WDR27: variants seen among roughly 807,000 people sequenced by gnomAD.
WDR27 encodes WD repeat domain 27.
WDR27 carries 100 observed loss-of-function variants against 114.4 expected under a neutral mutation model. The observed-to-expected ratio is 0.87, with a 90% CI of 0.74 to 1.03. WDR27 has a LOEUF of 1.03. Among genes scored for constraint, WDR27 ranks in the 50% least tolerant of loss-of-function variants. WDR27 has a pLI of 0.00. For synonymous variants in WDR27, 449 were observed against 423.1 expected, an observed-to-expected ratio of 1.06 and a Z score of -0.75; for missense variants, 1,129 against 1,092.9, an observed-to-expected ratio of 1.03 and a Z score of -0.47.
chr6:169,464,436 T>G (rs1425361509), intron 25 of WDR27, among the ~76,000 whole-genome samples: 1 of 152,050 alleles, frequency 6.6e-6, no homozygotes, highest in African/African-American at 2.4e-5. Context: ...AATTTTAGAA[T>G]AAAATATAGA....
chr6:169,453,629 G>T (rs1473495493), downstream of WDR27, among the ~76,000 whole-genome samples: 2 of 152,118 alleles, frequency 1.3e-5, no homozygotes, highest in African/African-American at 2.4e-5. Context: ...AGTCAAGCTT[G>T]TTTCATTTAT....
intron 22 of WDR27, among the ~76,000 whole-genome samples, chr6:169,609,322 G>A (rs1809985456): frequency 6.6e-6 from 1 of 152,178 alleles, no homozygotes; most frequent in South Asian, 2.1e-4. Context: ...CCTTTGCACT[G>A]CCCTAGCAGA....
At chr6:169,437,427 AT>A in the WDR27 span, among the ~76,000 whole-genome samples, 1 of 152,080 alleles carries the variant, frequency 6.6e-6, no homozygotes, top group Non-Finnish European at 1.5e-5. Context: ...GTTTTTTTAC[AT>A]TTTCAACCAT....
In WDR27 at chr6:169,661,504, C is replaced by G. The variant is rs547117162; in HGVS notation, c.1026-738G>C. 5.3e-5 allele frequency among the ~76,000 whole-genome samples: 8 copies of G among 152,352 alleles called. No individual in the cohort carries two copies. In the South Asian group the frequency reaches 1.4e-3, roughly 28 times the overall value. ...CTCTCCAGCTCCGCCCCAGGCAGCA[C>G]CCTGGGCTCCTCCTGGGCATCCACC... On this transcript the variant is annotated intron_variant, in intron 9 of 25. Coordinates refer to ENST00000448612, the MANE Select transcript of WDR27 (RefSeq NM_182552.5).
At chr6:169,445,896 TGGGTG>T in the WDR27 span, among the ~76,000 whole-genome samples, 2 of 152,104 alleles carry the variant, frequency 1.3e-5, no homozygotes, top group African/African-American at 4.8e-5. Flanking sequence ...CAGGCTGGGC[TGGGTG>T]GGGTGGGGGG....
intron 23 of WDR27, 104 bp from the exon 24 acceptor site, chr6:169,583,038 A>G (rs1803778504): frequency 1.1e-6 from 1 of 907,106 alleles, no homozygotes; most frequent in Non-Finnish European, 1.7e-6. Context: ...GTAGTTGATC[A>G]GATACAACAG....
chr6:169,644,866 G>A lies in WDR27; in HGVS notation c.1658-1080C>T, dbSNP rs1301412315. Among the ~76,000 whole-genome samples, 13 of 103,660 alleles carry A rather than the reference G, an allele frequency of 1.3e-4. 4 individuals are homozygous for A. The East Asian group carries it at 3.3e-3, about 27-fold the overall frequency. The allele number at this position is 103,660 out of a possible 152,430, so 68.0% of individuals were successfully genotyped here. A position where few individuals can be genotyped will look rare whatever the true frequency, so the allele number is the denominator to read the frequency against. The stretch of plus-strand genomic sequence containing the variant: ...CTACTAAAAATACAAAAAATTAGCC[G>A]GGCGTAGTGGCGGGCGCCTGTAGTC... On this transcript the variant is annotated intron_variant, in intron 16 of 25. Transcript: ENST00000448612.
intron 25 of WDR27, among the ~76,000 whole-genome samples, chr6:169,539,089 G>A (rs1796533064): frequency 6.6e-6 from 1 of 152,186 alleles, no homozygotes; most frequent in Admixed American, 6.5e-5. Flanking sequence ...TCACAACTGG[G>A]TGGATGCACA....
At chr6:169,528,513 C>A (rs1795208556) in intron 25 of WDR27, among the ~76,000 whole-genome samples, 1 of 152,146 alleles carries the variant, frequency 6.6e-6, no homozygotes, top group Non-Finnish European at 1.5e-5. Context: ...TTTGTGTTAA[C>A]AAACATCTTT....
intron 25 of WDR27, among the ~76,000 whole-genome samples, chr6:169,537,569 A>G (rs73792922): frequency 0.016 from 2,484 of 152,310 alleles, 63 homozygotes; most frequent in African/African-American, 0.057. Flanking sequence ...GGAGAGTATC[A>G]GATGGGGGAG....
At position 169,549,796 on chromosome 6, in the gene WDR27, C is replaced by T. The variant is rs1797870190; in HGVS notation, c.2645+22623G>A. ...TGAATAGGCTGCATGCTGTGTGATT[C>T]CAACTCTATGATCTCCTGGAAAAGG... On this transcript the variant is annotated intron_variant, in intron 25 of 25. Coordinates refer to ENST00000448612, the MANE Select transcript of WDR27 (RefSeq NM_182552.5). 2.0e-5 allele frequency among the ~76,000 whole-genome samples: 3 copies of T among 152,034 alleles called. No homozygotes were observed. In the South Asian group the frequency reaches 6.2e-4, roughly 32 times the overall value.
At chr6:169,613,408 T>C in intron 22 of WDR27, 151 bp downstream of exon 22, 1 of 588,504 alleles carries the variant, frequency 1.7e-6, no homozygotes, top group South Asian at 2.6e-5. Flanking sequence ...CTTCCAAAGT[T>C]AGAGCTAACT....
chr6:169,615,045 A>C (rs538011577), intron 21 of WDR27, among the ~76,000 whole-genome samples: 1 of 152,286 alleles, frequency 6.6e-6, no homozygotes, highest in African/African-American at 2.4e-5. Flanking sequence ...AGGGTGAGGA[A>C]GAAGAAATAA....
intron 25 of WDR27, chr6:169,558,524 C>A (rs1199205695): frequency 6.6e-6 from 1 of 152,066 alleles, no homozygotes; most frequent in East Asian, 1.9e-4. Context: ...GCACAGGCAG[C>A]CGAGGATTGG....
chr6:169,463,444 T>C (rs1237994551), intron 25 of WDR27, among the ~76,000 whole-genome samples: 1 of 152,220 alleles, frequency 6.6e-6, no homozygotes, highest in Non-Finnish European at 1.5e-5. Flanking sequence ...TTATACTCGA[T>C]GGTGAAAGAC....
At chr6:169,469,691 C>A (rs544546150) in intron 25 of WDR27, among the ~76,000 whole-genome samples, 3 of 152,236 alleles carry the variant, frequency 2.0e-5, no homozygotes, top group African/African-American at 7.2e-5. Flanking sequence ...ACATTTACAG[C>A]CAAAGAGCCC....
chr6:169,557,089 G>A (rs1799005435), intron 25 of WDR27, among the ~76,000 whole-genome samples: 1 of 152,114 alleles, frequency 6.6e-6, no homozygotes, highest in Non-Finnish European at 1.5e-5. Flanking sequence ...ACAAACAGCT[G>A]TACAAGAATT....
intron 10 of WDR27, 134 bp downstream of exon 10, chr6:169,660,529 A>G: frequency 8.0e-6 from 6 of 749,520 alleles, no homozygotes; most frequent in Non-Finnish European, 1.4e-5. Context: ...CACGTGCTCA[A>G]TGCTGAGTTG....
rs1003099844 is a variant in WDR27, at chr6:169,659,374, G to A, written c.1197+77C>T. 82 of 1,586,122 alleles carry A rather than the reference G, an allele frequency of 5.2e-5. No individual in the cohort carries two copies. Among genetic ancestry groups the A allele is most frequent in the Non-Finnish European group, 6.5e-5 (76 of 1,160,614 alleles). ...CAAAATCCCGTTTACTCAGCCAGTC[G>A]TTACAGGATCACTCTGAAGAAAGAA... On this transcript the variant is annotated intron_variant, in intron 11 of 25. Coordinates refer to ENST00000448612, the MANE Select transcript of WDR27 (RefSeq NM_182552.5). This position sits in a 1 kb window ranked among gnomAD's most constrained non-coding sequence, Gnocchi z 4.3.
Sources: gnomAD v4.1 joint callset for allele counts (sites outside exome capture counted in the v4.1 genomes callset) on GRCh38, gnomAD v4.1.1 for gene constraint, Gnocchi (gnomAD v3.1) non-coding constraint, MANE v1.5 for transcripts, NCBI Gene and HGNC (gene_info 2026-07-23, HGNC 2026-07-21) for gene names.